Variants in IL19 observed in about 807,000 individuals in gnomAD.
IL19 encodes the protein interleukin-19.
A neutral mutation model predicts 19.5 loss-of-function variants in IL19; 15 were observed. The ratio of observed to expected loss-of-function variants is 0.77; its 90% CI spans 0.52 to 1.19. The LOEUF (loss-of-function observed/expected upper bound fraction) is 1.19. Ranked by LOEUF, IL19 falls within the 50% of genes most tolerant of loss-of-function variation. The pLI, the probability that IL19 is intolerant of heterozygous loss-of-function variation, is 0.00. For synonymous variants in IL19, 78 were observed against 78.3 expected (o/e 1.00, Z 0.02); for missense variants, 199 against 213.1 (o/e 0.93, Z 0.41).
At chr1:206,794,068 G>A (rs1369350417) in intron 1 of IL19, among the ~76,000 whole-genome samples, 2 of 152,228 alleles carry the variant, frequency 1.3e-5, no homozygotes, top group East Asian at 3.9e-4. Context: ...GTGGTGGATG[G>A]GCAATGTTCT....
chr1:206,837,088 A>G (rs1676822087), intron 4 of IL19, 65 bp downstream of exon 4: 1 of 1,277,318 alleles, frequency 7.8e-7, no homozygotes, highest in East Asian at 2.3e-5. Flanking sequence ...CTGGGCTGAG[A>G]AAGAAATCCC....
intron 2 of IL19, among the ~76,000 whole-genome samples, chr1:206,830,781 A>G (rs889461612): frequency 2.0e-5 from 3 of 152,008 alleles, no homozygotes; most frequent in Non-Finnish European, 2.9e-5. Flanking sequence ...GTTTCACCAC[A>G]TTGGCTAGGA....
At chr1:206,832,221 G>T (rs901229493) in intron 2 of IL19, among the ~76,000 whole-genome samples, 2 of 152,242 alleles carry the variant, frequency 1.3e-5, no homozygotes, top group Admixed American at 1.3e-4. Context: ...TCCTTTTCCA[G>T]GTGCCTGGCA....
chr1:206,821,015 A>C (rs1387731925), intron 2 of IL19, among the ~76,000 whole-genome samples: 2 of 152,114 alleles, frequency 1.3e-5, no homozygotes, highest in Non-Finnish European at 2.9e-5. Flanking sequence ...CTGTCTCTCT[A>C]CTGTGTTCCA....
intron 1 of IL19, among the ~76,000 whole-genome samples, chr1:206,792,580 C>T (rs1421394600): frequency 6.6e-6 from 1 of 152,106 alleles, no homozygotes. Flanking sequence ...CCTCAGCCTC[C>T]CGAGTAGCTG....
At chr1:206,818,852 G>A (rs548355274) in intron 2 of IL19, among the ~76,000 whole-genome samples, 14 of 135,058 alleles carry the variant, frequency 1.0e-4, no homozygotes, top group African/African-American at 3.1e-4. Context: ...TAGTTCTGTC[G>A]CCCAGACTGG....
At chr1:206,819,991 A>G (rs941697556) in intron 2 of IL19, among the ~76,000 whole-genome samples, 6 of 152,188 alleles carry the variant, frequency 3.9e-5, no homozygotes, top group African/African-American at 1.4e-4. Flanking sequence ...TGACTGGGCC[A>G]TCCCCCTTTC....
intron 2 of IL19, among the ~76,000 whole-genome samples, chr1:206,801,057 T>G (rs190113210): frequency 1.3e-5 from 2 of 152,134 alleles, no homozygotes; most frequent in African/African-American, 2.4e-5. Context: ...AATTGCAACC[T>G]TCCTCAGAAA....
chr1:206,816,780 C>T (rs1434560590), intron 2 of IL19, among the ~76,000 whole-genome samples: 2 of 152,080 alleles, frequency 1.3e-5, no homozygotes, highest in African/African-American at 4.8e-5. Flanking sequence ...TGAGAACAAA[C>T]TATATGAGAG....
At chr1:206,792,451 C>A (rs1352832514) in intron 1 of IL19, among the ~76,000 whole-genome samples, 1 of 151,952 alleles carries the variant, frequency 6.6e-6, no homozygotes, top group Non-Finnish European at 1.5e-5. Context: ...ATTCACAATC[C>A]CCCCACCCCG....
chr1:206,771,937 A>T (rs1224177188), intron 1 of IL19, among the ~76,000 whole-genome samples: 1 of 152,192 alleles, frequency 6.6e-6, no homozygotes, highest in African/African-American at 2.4e-5. Context: ...GCTGCAAGGC[A>T]TGGGGAGCAT....
At chr1:206,841,457 C>A (rs1340173619) in intron 6 of IL19, among the ~76,000 whole-genome samples, 5 of 152,218 alleles carry the variant, frequency 3.3e-5, no homozygotes, top group African/African-American at 4.8e-5. Flanking sequence ...ACCTGCCCCC[C>A]CATATTGTGT....
intron 1 of IL19, among the ~76,000 whole-genome samples, chr1:206,789,026 C>T (rs1379943264): frequency 6.6e-6 from 1 of 152,168 alleles, no homozygotes; most frequent in Non-Finnish European, 1.5e-5. Context: ...TCTGTTGTTT[C>T]CACCAATAAT....
Position 206,798,880 on chromosome 1 carries a change from G to C in IL19, c.-129G>C, listed in dbSNP as rs1382646973. 1 of 1,584,404 alleles carries C rather than the reference G, an allele frequency of 6.3e-7. No homozygotes were observed. The highest frequency in any genetic ancestry group is 8.7e-7 in the Non-Finnish European group (1 of 1,155,098). ...CCATAGAGCGGTGCTTGCACACACTGACAGGAGTCCAAGAATGTGCACTGA... is the reference window on the plus strand; with the variant it reads ...CCATAGAGCGGTGCTTGCACACACTCACAGGAGTCCAAGAATGTGCACTGA... On this transcript the variant is annotated 5_prime_UTR_variant, in exon 2 of 7. Transcript: ENST00000659997.
intron 1 of IL19, among the ~76,000 whole-genome samples, chr1:206,798,601 T>C (rs1675587676): frequency 6.6e-6 from 1 of 151,676 alleles, no homozygotes; most frequent in Non-Finnish European, 1.5e-5. Context: ...CTGGGCCCCA[T>C]AAAATCTGGC....
chr1:206,801,230 C>T (rs890162049), intron 2 of IL19, among the ~76,000 whole-genome samples: 1 of 151,430 alleles, frequency 6.6e-6, no homozygotes, highest in East Asian at 1.9e-4. Flanking sequence ...GAATTACAAG[C>T]CTGTAGCCCA....
chr1:206,796,045 C>A (rs982256481), intron 1 of IL19, among the ~76,000 whole-genome samples: 1 of 151,188 alleles, frequency 6.6e-6, no homozygotes, highest in Non-Finnish European at 1.5e-5. Context: ...AGCTGGAGAC[C>A]CAGGAAAGCC....
At position 206,798,156 on chromosome 1, in the gene IL19, G is replaced by A. The variant is rs115436927; in HGVS notation, c.-148-705G>A. On this transcript the variant is annotated intron_variant, in intron 1 of 6. Transcript: ENST00000659997. ...TAGTTCCTCTTTTAATTTTTTTTGA[G>A]ATGGGGTCTCACTATATTGCCCAGG... is the stretch of plus-strand genomic sequence containing the variant. Among the ~76,000 whole-genome samples, 1,249 of 152,254 alleles carry A rather than the reference G, an allele frequency of 8.2e-3. 19 individuals carry two copies. The highest frequency in any genetic ancestry group is 0.029 in the African/African-American group (1,187 of 41,544).
intron 4 of IL19, among the ~76,000 whole-genome samples, chr1:206,837,250 G>A (rs1445592015): frequency 1.3e-5 from 2 of 152,058 alleles, no homozygotes; most frequent in Non-Finnish European, 2.9e-5. Flanking sequence ...AGTGATTGGG[G>A]GTGCCAGGTG....
Sources: allele counts gnomAD v4.1 joint callset (sites outside exome capture counted in the v4.1 genomes callset), GRCh38; gene constraint gnomAD v4.1.1; transcripts MANE v1.5; gene names NCBI Gene and HGNC (gene_info 2026-07-23, HGNC 2026-07-21).